PTMA: variants seen among roughly 807,000 people sequenced by gnomAD.
The protein encoded by PTMA is prothymosin alpha.
In PTMA, 4 loss-of-function variants were observed where a neutral mutation model predicts 16.9. The observed-to-expected ratio is 0.24, with a 90% CI of 0.12 to 0.54. PTMA has a LOEUF of 0.54. Among genes scored for constraint, PTMA ranks in the 20% least tolerant of loss-of-function variants. PTMA has a pLI of 0.95. For missense variants in PTMA, 120 were observed against 137.7 expected, an observed-to-expected ratio of 0.87 and a Z score of 0.64; for synonymous variants, 58 against 47.9, an observed-to-expected ratio of 1.21 and a Z score of -0.87.
intron 1 of PTMA, among the ~76,000 whole-genome samples, chr2:231,709,599 G>T (rs1044851776): frequency 4.7e-4 from 71 of 152,182 alleles, no homozygotes; most frequent in African/African-American, 1.6e-3. Context: ...CAACACGGCG[G>T]CCGCGACAGG....
chr2:231,711,452 G>C (rs769006039), intron 2 of PTMA, 33 bp downstream of exon 2: 1 of 1,604,474 alleles, frequency 6.2e-7, no homozygotes, highest in East Asian at 2.2e-5. Context: ...AGCCCTGGCA[G>C]CTACCGCCCC....
At chr2:231,710,863 C>T (rs1351244195) in intron 1 of PTMA, among the ~76,000 whole-genome samples, 2 of 152,264 alleles carry the variant, frequency 1.3e-5, no homozygotes, top group Non-Finnish European at 2.9e-5. Flanking sequence ...CCTCGCGGGC[C>T]TTCCAGGCTG....
chr2:231,711,647 C>T (rs2048520056), intron 2 of PTMA: 3 of 754,642 alleles, frequency 4.0e-6, no homozygotes, highest in South Asian at 1.9e-5. Context: ...GAGGAGACTC[C>T]GGTAGTCTGA....
chr2:231,709,740 C>G (rs1032423099), intron 1 of PTMA: 28 of 154,090 alleles, frequency 1.8e-4, no homozygotes, highest in Admixed American at 2.6e-4. Context: ...ACTGCCCGCC[C>G]TGGGTAGCGT....
chr2:231,712,600 G>A, intron 4 of PTMA, 84 bp downstream of exon 4: 2 of 1,450,748 alleles, frequency 1.4e-6, no homozygotes, highest in Non-Finnish European at 1.9e-6. Flanking sequence ...GCTGCGGAGG[G>A]ACTGTTTCTG....
chr2:231,712,896 T>C lies in PTMA; in HGVS notation c.*45T>C. 3 of 1,513,566 alleles carry C rather than the reference T, an allele frequency of 2.0e-6. No individual in the cohort carries two copies. Among genetic ancestry groups the C allele is most frequent in the East Asian group, 2.5e-5 (1 of 40,750 alleles). 93.8% of individuals were successfully genotyped at this position (1,513,566 alleles called of 1,614,324 possible). A position where few individuals can be genotyped will look rare whatever the true frequency, so the allele number is the denominator to read the frequency against. On this transcript the variant is annotated 3_prime_UTR_variant, in exon 5 of 5. Transcript: ENST00000409115. ...TAAACTAAAAAAAAAAAGGCCGCCG[T>C]GACCTATTCACCCTCCACTTCCCGT... is the stretch of plus-strand genomic sequence containing the variant.
At chr2:231,710,085 T>G in intron 1 of PTMA, 1 of 1,234,144 alleles carries the variant, frequency 8.1e-7, no homozygotes. Flanking sequence ...GCGAGGGCGA[T>G]GAGTAGTAGC....
chr2:231,711,124 G>A (rs1025608729), intron 1 of PTMA: 1 of 430,990 alleles, frequency 2.3e-6, no homozygotes, highest in Non-Finnish European at 4.1e-6. Context: ...CGCTGTAGCG[G>A]GCCTTAAAGG....
intron 2 of PTMA, 74 bp from the exon 3 acceptor site, chr2:231,711,816 C>T (rs2048521943): frequency 1.3e-6 from 2 of 1,576,340 alleles, no homozygotes; most frequent in African/African-American, 2.7e-5. Context: ...TGGTGGGAGG[C>T]CGGGCATCAG....
chr2:231,710,949 C>G (rs2048510827), intron 1 of PTMA, among the ~76,000 whole-genome samples: 2 of 152,266 alleles, frequency 1.3e-5, no homozygotes, highest in African/African-American at 4.8e-5. Flanking sequence ...TAACCTGCCG[C>G]CTTTCTAGAC....
chr2:231,709,942 C>T (rs1249174602), intron 1 of PTMA: 4 of 652,106 alleles, frequency 6.1e-6, no homozygotes, highest in Non-Finnish European at 8.5e-6. Flanking sequence ...AGCTCGGGGC[C>T]CGGATCTCCA....
chr2:231,711,516 T>C (rs1431678126), intron 2 of PTMA, 97 bp downstream of exon 2: 2 of 1,149,048 alleles, frequency 1.7e-6, no homozygotes, highest in South Asian at 1.3e-5. Context: ...TGTGTATGTG[T>C]ATATGTATAG....
chr2:231,709,617 T>C (rs1224685148), intron 1 of PTMA, among the ~76,000 whole-genome samples: 3 of 151,992 alleles, frequency 2.0e-5, no homozygotes, highest in African/African-American at 7.2e-5. Context: ...AGGCCAATGG[T>C]AGGGTCGAAC....
intron 1 of PTMA, chr2:231,710,264 C>A: frequency 7.5e-7 from 1 of 1,329,566 alleles, no homozygotes. Context: ...CGCGCGCGTG[C>A]CACTGCAAGC....
chr2:231,710,798 G>T, intron 1 of PTMA: 1 of 318,828 alleles, frequency 3.1e-6, no homozygotes, highest in South Asian at 2.3e-5. Context: ...GTCGGATTTG[G>T]GGGGTCGGTG....
At chr2:231,709,068 G>T (rs1454966920) in intron 1 of PTMA, among the ~76,000 whole-genome samples, 1 of 152,170 alleles carries the variant, frequency 6.6e-6, no homozygotes, top group Non-Finnish European at 1.5e-5. Flanking sequence ...GAGGAGAAGA[G>T]CCTGGCTGGG....
chr2:231,711,031 G>T (rs1018247995), intron 1 of PTMA: 7 of 275,396 alleles, frequency 2.5e-5, no homozygotes, highest in African/African-American at 4.5e-5. Flanking sequence ...CGTCCACCCG[G>T]CCGGACGGGC....
intron 3 of PTMA, among the ~76,000 whole-genome samples, 170 bp downstream of exon 3, chr2:231,712,153 A>G (rs2048525954): frequency 6.6e-6 from 1 of 152,168 alleles, no homozygotes; most frequent in African/African-American, 2.4e-5. Context: ...TCTCCCTGAC[A>G]TGGAGTTGTG....
chr2:231,710,580 C>T (rs941386226), intron 1 of PTMA: 32 of 527,056 alleles, frequency 6.1e-5, no homozygotes, highest in Middle Eastern at 3.2e-4. Flanking sequence ...GGACGCCGGA[C>T]CTCTGTTGGT....
Sources: allele counts gnomAD v4.1 joint callset (sites outside exome capture counted in the v4.1 genomes callset), GRCh38; gene constraint gnomAD v4.1.1; transcripts MANE v1.5; gene names NCBI Gene and HGNC (gene_info 2026-07-23, HGNC 2026-07-21).